The following BAIAP2L1 variants were observed in gnomAD, a reference collection of about 807,000 sequenced individuals.
BAIAP2L1 encodes BAR/IMD domain-containing adapter protein 2-like 1.
A neutral mutation model predicts 66.3 loss-of-function variants in BAIAP2L1; 35 were observed. That is an observed-to-expected ratio of 0.53 (90% confidence interval 0.40 to 0.70). BAIAP2L1 has a LOEUF of 0.70. Ranked by LOEUF, BAIAP2L1 falls within the 30% of genes least tolerant of loss-of-function variation. BAIAP2L1 has a pLI of 0.00. For synonymous variants in BAIAP2L1, 269 were observed against 248.7 expected (o/e 1.08, Z -0.77); for missense variants, 622 against 656.9 (o/e 0.95, Z 0.58).
At chr7:98,334,111 T>C (rs1193450468) in intron 3 of BAIAP2L1, among the ~76,000 whole-genome samples, 7 of 152,112 alleles carry the variant, frequency 4.6e-5, no homozygotes, top group Admixed American at 4.6e-4. Context: ...TAATATGAAA[T>C]GAGAAATTAG....
chr7:98,354,211 A>T (rs1802069553), intron 3 of BAIAP2L1, among the ~76,000 whole-genome samples: 1 of 151,518 alleles, frequency 6.6e-6, no homozygotes, highest in East Asian at 1.9e-4. Context: ...GTCAGTTAAG[A>T]GCTTCCCAAA....
chr7:98,335,152 C>CAAAA (rs59557441), intron 3 of BAIAP2L1, among the ~76,000 whole-genome samples: 2 of 54,708 alleles, frequency 3.7e-5, no homozygotes, highest in East Asian at 7.1e-4. Context: ...GACTCCATCT[C>CAAAA]AAAAAAAAAA....
chr7:98,308,040 CGCTTT>C, intron 9 of BAIAP2L1, 144 bp from the exon 10 acceptor site: 1 of 810,830 alleles, frequency 1.2e-6, no homozygotes, highest in Non-Finnish European at 2.1e-6. Context: ...CCTATTTCCT[CGCTTT>C]GATCATTGCC....
In BAIAP2L1 at chr7:98,292,976, C is replaced by G; in HGVS notation, c.*545G>C. 8.4e-7 allele frequency: 1 copy of G among 1,193,508 alleles called. No individual in the cohort carries two copies. Among genetic ancestry groups the G allele is most frequent in the South Asian group, 3.6e-5 (1 of 28,048 alleles). 73.9% of individuals were successfully genotyped at this position (1,193,508 alleles called of 1,614,324 possible). A position where few individuals can be genotyped will look rare whatever the true frequency, so the allele number is the denominator to read the frequency against. On this transcript the variant is annotated 3_prime_UTR_variant, in exon 14 of 14. Coordinates refer to ENST00000005260, the MANE Select transcript of BAIAP2L1 (RefSeq NM_018842.5). ...GGTTGGAGGGAGGGTGGGGGTTTCTCCATCTCTGGAAGCTCTACACTTAAA... is the reference window on the plus strand; with the variant it reads ...GGTTGGAGGGAGGGTGGGGGTTTCTGCATCTCTGGAAGCTCTACACTTAAA...
At chr7:98,399,865 C>T (rs1803311091) in intron 1 of BAIAP2L1, 1 of 152,172 alleles carries the variant, frequency 6.6e-6, no homozygotes, top group Non-Finnish European at 1.5e-5. Flanking sequence ...TGTTCTTTGA[C>T]TTCAAGAACC....
Position 98,380,528 on chromosome 7 carries a change from G to A in BAIAP2L1, c.52-18096C>T, listed in dbSNP as rs372148374. ...CCATAAGGACAGTATGGTGGAAACC[G>A]CCCCCATGACTCAAATTATCTCCCA... is the stretch of plus-strand genomic sequence containing the variant. On this transcript the variant is annotated intron_variant, in intron 1 of 13. Coordinates refer to ENST00000005260, the MANE Select transcript of BAIAP2L1 (RefSeq NM_018842.5). Among the ~76,000 whole-genome samples, 71 of 151,808 alleles carry A rather than the reference G, an allele frequency of 4.7e-4. No individual in the cohort carries two copies. In the Middle Eastern group the frequency reaches 0.014, roughly 29 times the overall value.
intron 1 of BAIAP2L1, among the ~76,000 whole-genome samples, chr7:98,372,743 T>G (rs545406155): frequency 6.2e-5 from 9 of 145,858 alleles, no homozygotes; most frequent in South Asian, 2.3e-4. Flanking sequence ...GTTTTTTTTT[T>G]TTTTTTTTTT....
At chr7:98,392,985 A>G (rs867576963) in intron 1 of BAIAP2L1, among the ~76,000 whole-genome samples, 2 of 150,242 alleles carry the variant, frequency 1.3e-5, no homozygotes, top group Middle Eastern at 3.5e-3. Flanking sequence ...ATAGATATAT[A>G]TATGTAATTT....
At chr7:98,353,265 G>A (rs967607602) in intron 3 of BAIAP2L1, among the ~76,000 whole-genome samples, 1 of 148,564 alleles carries the variant, frequency 6.7e-6, no homozygotes, top group African/African-American at 2.5e-5. Flanking sequence ...AAGGCAGGGG[G>A]AATCCTAGAG....
At chr7:98,376,586 C>T (rs1325189371) in intron 1 of BAIAP2L1, among the ~76,000 whole-genome samples, 4 of 146,956 alleles carry the variant, frequency 2.7e-5, no homozygotes, top group South Asian at 2.1e-4. Context: ...TTTGGGAGGC[C>T]GAGGCAGGCA....
chr7:98,397,833 C>T (rs574732361), intron 1 of BAIAP2L1, among the ~76,000 whole-genome samples: 1 of 152,262 alleles, frequency 6.6e-6, no homozygotes, highest in Non-Finnish European at 1.5e-5. Flanking sequence ...GTAACAGCAA[C>T]ATTACTGGAC....
Position 98,304,346 on chromosome 7 carries a change from C to G in BAIAP2L1, c.1272G>C (p.Val424=), listed in dbSNP as rs143746300. The G allele has an allele frequency of 1.9e-6, 3 of 1,613,698 alleles. No homozygotes were observed. The African/African-American group carries it at 4.0e-5, about 22-fold the overall frequency. ...CAACACTGCTATTCTCAGACAAGTT[C>G]ACGGTGCTGATGCTTCTCACTGGTG... ...SPTPVRSIST[V]NLSENSSVVI... The change falls in exon 12 of 14, where the codon GTG becomes GTC. Residue 424 remains valine, a synonymous_variant. Coordinates refer to ENST00000005260, the MANE Select transcript of BAIAP2L1 (RefSeq NM_018842.5).
chr7:98,356,473 A>C (rs1802119659), intron 2 of BAIAP2L1, among the ~76,000 whole-genome samples: 1 of 152,014 alleles, frequency 6.6e-6, no homozygotes, highest in African/African-American at 2.4e-5. Flanking sequence ...ATAATGGGCA[A>C]TTGTTTTAAC....
intron 3 of BAIAP2L1, among the ~76,000 whole-genome samples, 182 bp downstream of exon 3, chr7:98,354,860 T>C (rs748262090): frequency 1.5e-4 from 23 of 152,274 alleles, no homozygotes; most frequent in South Asian, 8.3e-4. Context: ...CCACTCGCCC[T>C]CCGGCACCAG....
In BAIAP2L1 at chr7:98,384,693, CTTTTTTTT is replaced by C. The variant is rs11413562; in HGVS notation, c.51+16101_51+16108del. ...GACTCTGTGAGACAGATCATTCTAC[CTTTTTTTT>C]TTTTTTTTTTTTGTGAGATGGAGTC... On this transcript the variant is annotated intron_variant, in intron 1 of 13. Coordinates refer to ENST00000005260, the MANE Select transcript of BAIAP2L1 (RefSeq NM_018842.5). Among the ~76,000 whole-genome samples the C allele has an allele frequency of 3.2e-4, 38 of 118,798 alleles. 2 individuals carry two copies. The South Asian group carries it at 3.2e-3, about 10-fold the overall frequency. 77.9% of individuals were successfully genotyped at this position (118,798 alleles called of 152,430 possible).
At chr7:98,319,521 G>C (rs190993282) in intron 5 of BAIAP2L1, among the ~76,000 whole-genome samples, 4 of 150,792 alleles carry the variant, frequency 2.7e-5, no homozygotes, top group African/African-American at 9.7e-5. Flanking sequence ...GAAGCAGTGT[G>C]ATTTCCTGCA....
At chr7:98,335,102 G>A (rs1200770463) in intron 3 of BAIAP2L1, among the ~76,000 whole-genome samples, 1 of 140,192 alleles carries the variant, frequency 7.1e-6, no homozygotes, top group African/African-American at 2.6e-5. Context: ...GCAGTGAGCC[G>A]AGATGACGCC....
At chr7:98,336,169 G>A (rs1017705105) in intron 3 of BAIAP2L1, among the ~76,000 whole-genome samples, 3 of 152,046 alleles carry the variant, frequency 2.0e-5, no homozygotes, top group Non-Finnish European at 2.9e-5. Context: ...AGGGGAATAA[G>A]GGTTAAAAAA....
Position 98,382,684 on chromosome 7 carries a change from G to A in BAIAP2L1, c.51+18118C>T, listed in dbSNP as rs145943105. On this transcript the variant is annotated intron_variant, in intron 1 of 13. Transcript: ENST00000005260. ...TATTTCTTGGCAATGCCAGGAAAGC[G>A]TTCAGGTTGAAGCTTTGGCAATTAG... Among the ~76,000 whole-genome samples, 377 of 152,234 alleles carry A rather than the reference G, an allele frequency of 2.5e-3. 2 individuals carry two copies. The highest frequency in any genetic ancestry group is 8.7e-3 in the African/African-American group (360 of 41,526).
Sources: allele counts gnomAD v4.1 joint callset (sites outside exome capture counted in the v4.1 genomes callset), GRCh38; gene constraint gnomAD v4.1.1; transcripts MANE v1.5; gene names NCBI Gene and HGNC (gene_info 2026-07-23, HGNC 2026-07-21).